Variants in SRSF4 observed in about 807,000 individuals in gnomAD.
SRSF4 encodes serine/arginine-rich splicing factor 4.
In SRSF4, 12 loss-of-function variants were observed where a neutral mutation model predicts 48.8. The ratio of observed to expected loss-of-function variants is 0.25; its 90% CI spans 0.16 to 0.40. The LOEUF (loss-of-function observed/expected upper bound fraction) is 0.40, where lower values mean the gene tolerates loss of function less well. Among genes scored for constraint, SRSF4 ranks in the 10% least tolerant of loss-of-function variants. The pLI, the probability that SRSF4 is intolerant of heterozygous loss-of-function variation, is 1.00. For missense variants in SRSF4, 466 were observed against 667.1 expected (o/e 0.70, Z 3.32); for synonymous variants, 248 against 232.5 (o/e 1.07, Z -0.61).
At chr1:29,177,046 A>C (rs1672878811) in intron 1 of SRSF4, among the ~76,000 whole-genome samples, 1 of 152,252 alleles carries the variant, frequency 6.6e-6, no homozygotes, top group African/African-American at 2.4e-5. Context: ...AAAAGCTAAG[A>C]TATAAAGATC....
intron 1 of SRSF4, among the ~76,000 whole-genome samples, chr1:29,164,266 T>C (rs1672638618): frequency 6.6e-6 from 1 of 152,264 alleles, no homozygotes; most frequent in Non-Finnish European, 1.5e-5. Context: ...CTTTTATGTA[T>C]GGGTCCCAAT....
intron 1 of SRSF4, among the ~76,000 whole-genome samples, chr1:29,180,202 A>G (rs1330494075): frequency 1.3e-5 from 2 of 152,162 alleles, no homozygotes; most frequent in African/African-American, 4.8e-5. Context: ...CAAAATCCAC[A>G]CTTTGTCCAC....
intron 1 of SRSF4, among the ~76,000 whole-genome samples, chr1:29,161,125 T>C (rs956489110): frequency 6.6e-6 from 1 of 152,216 alleles, no homozygotes; most frequent in Non-Finnish European, 1.5e-5. Context: ...CTCTGAAATC[T>C]GTATACAACT....
At chr1:29,177,635 T>C (rs1672890122) in intron 1 of SRSF4, among the ~76,000 whole-genome samples, 1 of 152,070 alleles carries the variant, frequency 6.6e-6, no homozygotes. Context: ...GAGACCTTAA[T>C]GGGAAATGGA....
At chr1:29,163,424 T>C (rs763964001) in intron 1 of SRSF4, among the ~76,000 whole-genome samples, 17 of 152,364 alleles carry the variant, frequency 1.1e-4, no homozygotes, top group Non-Finnish European at 2.2e-4. Flanking sequence ...TGAGTGGGTT[T>C]GGAAGATTAA....
intron 1 of SRSF4, among the ~76,000 whole-genome samples, chr1:29,161,922 T>C (rs1672603304): frequency 6.6e-6 from 1 of 152,226 alleles, no homozygotes; most frequent in Non-Finnish European, 1.5e-5. Flanking sequence ...GATGCTATAC[T>C]CAGTAACATG....
intron 1 of SRSF4, among the ~76,000 whole-genome samples, chr1:29,164,668 T>C (rs1300490980): frequency 3.3e-5 from 5 of 152,064 alleles, no homozygotes; most frequent in Non-Finnish European, 5.9e-5. Flanking sequence ...TTTCAATAAT[T>C]CATAGGATGC....
intron 4 of SRSF4, among the ~76,000 whole-genome samples, chr1:29,154,310 C>T (rs2151813541): frequency 6.6e-6 from 1 of 152,338 alleles, no homozygotes; most frequent in South Asian, 2.1e-4. Context: ...GTGATCCACC[C>T]ACCTCGGCCT....
rs148420289 is a variant in SRSF4, at chr1:29,175,418, G to A, written c.107+6228C>T. On this transcript the variant is annotated intron_variant, in intron 1 of 5. Transcript: ENST00000373795. ...TCCATCTCAAAAAAAATTTCCGGCC[G>A]GGCGTGGTGGCTCACGCCTGTAATC... 4.9e-3 allele frequency among the ~76,000 whole-genome samples: 719 copies of A among 147,102 alleles called. 4 individuals carry two copies. Among genetic ancestry groups the A allele is most frequent in the Admixed American group, 0.013 (194 of 14,762 alleles).
intron 1 of SRSF4, chr1:29,171,428 AAAT>A (rs1672743400): frequency 6.8e-6 from 1 of 147,866 alleles, no homozygotes; most frequent in Non-Finnish European, 1.5e-5. Context: ...GGAATTTAAA[AAAT>A]CTTCTATTTC....
intron 1 of SRSF4, chr1:29,169,035 A>G (rs548881266): frequency 6.0e-4 from 91 of 152,392 alleles, no homozygotes; most frequent in African/African-American, 1.8e-3. Context: ...ACTATTTTTA[A>G]CATGCAGCCC....
intron 1 of SRSF4, among the ~76,000 whole-genome samples, chr1:29,178,125 CCT>C (rs1011380252): frequency 4.0e-5 from 6 of 151,618 alleles, no homozygotes; most frequent in East Asian, 1.9e-4. Context: ...GTCTCAAACC[CCT>C]GACTTCAAGT....
chr1:29,180,053 T>C (rs530580622), intron 1 of SRSF4, among the ~76,000 whole-genome samples: 48 of 152,364 alleles, frequency 3.2e-4, no homozygotes, highest in African/African-American at 1.2e-3. Context: ...AGCTGCCACT[T>C]ACTGCCTAAG....
At chr1:29,158,394 T>C (rs1489686740) in intron 3 of SRSF4, among the ~76,000 whole-genome samples, 3 of 152,116 alleles carry the variant, frequency 2.0e-5, no homozygotes, top group South Asian at 4.1e-4. Context: ...AACCATTTTA[T>C]TGACTGGTGA....
intron 1 of SRSF4, among the ~76,000 whole-genome samples, chr1:29,167,443 G>A (rs749043348): frequency 6.6e-6 from 1 of 152,194 alleles, no homozygotes; most frequent in African/African-American, 2.4e-5. Context: ...GGAGTGCAAA[G>A]GCACAATCTT....
chr1:29,165,219 G>C (rs1444480193), intron 1 of SRSF4, among the ~76,000 whole-genome samples: 1 of 152,176 alleles, frequency 6.6e-6, no homozygotes, highest in African/African-American at 2.4e-5. Context: ...AGTATAGACA[G>C]GTATCTGGAT....
intron 1 of SRSF4, among the ~76,000 whole-genome samples, chr1:29,173,754 AAGTT>A (rs978221179): frequency 6.6e-6 from 1 of 151,642 alleles, no homozygotes; most frequent in African/African-American, 2.4e-5. Flanking sequence ...CTGGTCCAAA[AAGTT>A]CTTGAATTTG....
Position 29,160,527 on chromosome 1 carries a change from A to G in SRSF4, c.108-10T>C. ...CTCCACAAAACCATATCTAGAAGAG[A>G]GCAAAGAAAATACTGGTTGGTACCA... On this transcript the variant is annotated splice_polypyrimidine_tract_variant and intron_variant, in intron 1 of 5. Coordinates refer to ENST00000373795, the MANE Select transcript of SRSF4 (RefSeq NM_005626.5). 1 of 1,594,222 alleles carries G rather than the reference A, an allele frequency of 6.3e-7. No homozygotes were observed. The highest frequency in any genetic ancestry group is 8.5e-7 in the Non-Finnish European group (1 of 1,172,340).
intron 4 of SRSF4, among the ~76,000 whole-genome samples, chr1:29,153,027 C>T (rs1054148763): frequency 1.3e-5 from 2 of 152,118 alleles, no homozygotes; most frequent in African/African-American, 4.8e-5. Flanking sequence ...GAAGCTGTTG[C>T]CAGCTCTCTA....
Sources: allele counts gnomAD v4.1 joint callset (sites outside exome capture counted in the v4.1 genomes callset), GRCh38; gene constraint gnomAD v4.1.1; transcripts MANE v1.5; gene names NCBI Gene and HGNC (gene_info 2026-07-23, HGNC 2026-07-21).